The following ULK4 variants were observed in gnomAD, a reference collection of about 807,000 sequenced individuals.
ULK4 encodes the protein inactive serine/threonine-protein kinase ULK4.
In ULK4, 133 loss-of-function variants were observed where a neutral mutation model predicts 160.6. That is an observed-to-expected ratio of 0.83 (90% CI 0.72 to 0.96). ULK4 has a LOEUF of 0.96. Among genes scored for constraint, ULK4 ranks in the 40% least tolerant of loss-of-function variants. ULK4 has a pLI of 0.00. For synonymous variants in ULK4, 534 were observed against 539.8 expected (o/e 0.99, Z 0.15); for missense variants, 1,580 against 1,499.5 (o/e 1.05, Z -0.89).
intron 2 of ULK4, among the ~76,000 whole-genome samples, chr3:41,953,221 TACATATATATACACAC>T (rs1473145505): frequency 2.7e-5 from 4 of 149,458 alleles, no homozygotes; most frequent in Admixed American, 6.7e-5. Flanking sequence ...TACTACTATA[TACATATATATACACAC>T]ACATATATAT....
chr3:41,424,113 T>C (rs1234796409), intron 34 of ULK4, among the ~76,000 whole-genome samples: 1 of 151,976 alleles, frequency 6.6e-6, no homozygotes. Context: ...GTGCTGGAGA[T>C]ACTAGATGGT....
In ULK4 at chr3:41,704,468, G is replaced by A. The variant is rs146812122; in HGVS notation, c.2781+589C>T. The stretch of plus-strand genomic sequence containing the variant: ...CTTCCTAACTGGCTCCTCTTCTGGG[G>A]ACCTTTCTGCAGAAAGAAAGGGACG... On this transcript the variant is annotated intron_variant, in intron 27 of 36. Transcript: ENST00000301831. 2.5e-3 allele frequency among the ~76,000 whole-genome samples: 382 copies of A among 152,244 alleles called. 1 individual carries two copies. The highest frequency in any genetic ancestry group is 8.3e-3 in the African/African-American group (344 of 41,542).
intron 17 of ULK4, among the ~76,000 whole-genome samples, chr3:41,856,537 GTATATATATATGTGTATATATATACACA>G (rs1431388652): frequency 0.064 from 5,590 of 87,416 alleles, 519 homozygotes; most frequent in African/African-American, 0.18. Context: ...ATATATGTAT[GTATATATATATGTGTATATATATACACA>G]TATATATATG....
chr3:41,923,426 A>C (rs1214213276), intron 5 of ULK4, among the ~76,000 whole-genome samples: 1 of 152,130 alleles, frequency 6.6e-6, no homozygotes, highest in African/African-American at 2.4e-5. Context: ...TTGAACCCGG[A>C]GACAGAGGTT....
chr3:41,883,712 G>GT (rs1363471772), intron 17 of ULK4, among the ~76,000 whole-genome samples, 162 bp downstream of exon 17: 4 of 152,202 alleles, frequency 2.6e-5, no homozygotes, highest in Non-Finnish European at 5.9e-5. Flanking sequence ...GTGCTGCTAT[G>GT]TTTAAGCCTA....
At chr3:41,599,411 C>T (rs1339006306) in intron 31 of ULK4, among the ~76,000 whole-genome samples, 2 of 152,068 alleles carry the variant, frequency 1.3e-5, no homozygotes, top group African/African-American at 4.8e-5. Flanking sequence ...GCCATGTAAC[C>T]TAAGATACTC....
chr3:41,946,680 T>A (rs898085683), intron 2 of ULK4, among the ~76,000 whole-genome samples: 1 of 152,206 alleles, frequency 6.6e-6, no homozygotes, highest in Non-Finnish European at 1.5e-5. Flanking sequence ...CACCCTTATA[T>A]CCAGCATTTG....
rs369031780 is a variant in ULK4 at position 41,802,372 on chromosome 3, A to T, written c.1849-2079T>A. Among the ~76,000 whole-genome samples, 7 of 152,264 alleles carry T rather than the reference A, an allele frequency of 4.6e-5. No individual in the cohort carries two copies. In the East Asian group the frequency reaches 1.2e-3, roughly 25 times the overall value. ...AAGTACAATGGCAGGATCACAGCTC[A>T]CTGCAGTCTCAATCTCCCAGCTCAA... On this transcript the variant is annotated intron_variant, in intron 19 of 36. Coordinates refer to ENST00000301831, the MANE Select transcript of ULK4 (RefSeq NM_017886.4).
In ULK4 at chr3:41,881,284, TAAAAAAAA is replaced by T. The variant is rs58977381; in HGVS notation, c.1656+2582_1656+2589del. Among the ~76,000 whole-genome samples the T allele has an allele frequency of 2.5e-4, 32 of 126,254 alleles. 1 individual carries two copies. Among genetic ancestry groups the T allele is most frequent in the South Asian group, 2.3e-4 (1 of 4,332 alleles). The allele number at this position is 126,254 out of a possible 152,430, so 82.8% of individuals were successfully genotyped here. ...CCACACATCCTGTAGCAGAAACTTC[TAAAAAAAA>T]AAAAAAAAAAAAAAAAAACAGGAAA... On this transcript the variant is annotated intron_variant, in intron 17 of 36. Coordinates refer to ENST00000301831, the MANE Select transcript of ULK4 (RefSeq NM_017886.4).
intron 35 of ULK4, among the ~76,000 whole-genome samples, chr3:41,333,130 T>C (rs9311269): frequency 0.16 from 24,482 of 152,144 alleles, 2,436 homozygotes; most frequent in African/African-American, 0.27. Context: ...GCAGAATAAA[T>C]TGAAGATATC....
At chr3:41,278,449 C>T (rs1345811903) in intron 35 of ULK4, among the ~76,000 whole-genome samples, 6 of 152,194 alleles carry the variant, frequency 3.9e-5, no homozygotes, top group Admixed American at 2.0e-4. Context: ...AGTGGTTCAC[C>T]CAGCATGGCA....
chr3:41,579,988 C>T (rs1013418222), intron 31 of ULK4, among the ~76,000 whole-genome samples: 2 of 152,192 alleles, frequency 1.3e-5, no homozygotes, highest in African/African-American at 4.8e-5. Context: ...TTTCTTGACT[C>T]ATGGAGCACA....
intron 17 of ULK4, among the ~76,000 whole-genome samples, chr3:41,841,118 G>A (rs1208365333): frequency 1.4e-5 from 2 of 141,220 alleles, no homozygotes; most frequent in Admixed American, 6.9e-5. Context: ...TCTGGGAGGT[G>A]AGGAGCGCCT....
chr3:41,843,522 G>A (rs2041987946), intron 17 of ULK4, among the ~76,000 whole-genome samples: 1 of 152,126 alleles, frequency 6.6e-6, no homozygotes, highest in South Asian at 2.1e-4. Context: ...GCTCAGGAGT[G>A]AAGCTGCGGA....
At chr3:41,700,013 C>T (rs9812782) in intron 27 of ULK4, among the ~76,000 whole-genome samples, 28,499 of 151,876 alleles carry the variant, frequency 0.19, 7,257 homozygotes, top group African/African-American at 0.58. Flanking sequence ...AAAGAATCAA[C>T]AAGTAACGAC....
rs1432471894 is a variant in ULK4 at position 41,287,363 on chromosome 3, T to C, written c.3679-37789A>G. Among the ~76,000 whole-genome samples the C allele has an allele frequency of 3.3e-5, 5 of 152,204 alleles. No individual in the cohort carries two copies. In the South Asian group the frequency reaches 1.0e-3, roughly 32 times the overall value. ...GGCTGAGTGTGATATAATTTCCTTC[T>C]GGCTCAAGAACTGAAATGATATGAA... On this transcript the variant is annotated intron_variant, in intron 35 of 36. Transcript: ENST00000301831.
At chr3:41,741,961 C>T (rs867655943) in intron 22 of ULK4, among the ~76,000 whole-genome samples, 2 of 151,766 alleles carry the variant, frequency 1.3e-5, no homozygotes, top group Middle Eastern at 3.2e-3. Context: ...AGAACTGTCC[C>T]CCCAAAAAAG....
rs187064036 is a variant in ULK4, at chr3:41,643,664, C to T, written c.3071+19943G>A. 3.6e-3 allele frequency among the ~76,000 whole-genome samples: 549 copies of T among 152,074 alleles called. 2 individuals are homozygous for T. The highest frequency in any genetic ancestry group is 0.012 in the African/African-American group (500 of 41,440). ...TTGTTCTTTTGGCTTAGGATTGACT[C>T]GGTGATGCAGGCTCTTTTTTGGTTC... On this transcript the variant is annotated intron_variant, in intron 30 of 36. Transcript: ENST00000301831.
At chr3:41,744,842 A>G (rs775241001) in intron 22 of ULK4, among the ~76,000 whole-genome samples, 40 of 151,756 alleles carry the variant, frequency 2.6e-4, no homozygotes, top group Non-Finnish European at 4.7e-4. Context: ...ATTTAAAAGA[A>G]CTGAAATCAC....
Sources: allele counts gnomAD v4.1 joint callset (sites outside exome capture counted in the v4.1 genomes callset), GRCh38; gene constraint gnomAD v4.1.1; transcripts MANE v1.5; gene names NCBI Gene and HGNC (gene_info 2026-07-23, HGNC 2026-07-21).